HOMER1: variants seen among roughly 807,000 people sequenced by gnomAD.
HOMER1 encodes the protein homer protein homolog 1.
Under a neutral mutation model 48.9 loss-of-function variants are expected in HOMER1, and 3 were observed. That is an observed-to-expected ratio of 0.06 (90% CI 0.03 to 0.16). HOMER1 has a LOEUF of 0.16. HOMER1 is among the 10% of genes least tolerant of loss of function. The pLI is 1.00. For synonymous variants in HOMER1, 134 were observed against 146.4 expected (o/e 0.92, Z 0.61); for missense variants, 247 against 411.4 (o/e 0.60, Z 3.46).
chr5:79,431,271 C>CA (rs1750418386), intron 5 of HOMER1, among the ~76,000 whole-genome samples: 1 of 152,008 alleles, frequency 6.6e-6, no homozygotes, highest in Non-Finnish European at 1.5e-5. Flanking sequence ...TGCAGTGAGC[C>CA]AAGATTGCAC....
chr5:79,437,146 G>A (rs554714104), intron 5 of HOMER1, among the ~76,000 whole-genome samples: 4 of 152,086 alleles, frequency 2.6e-5, no homozygotes, highest in Non-Finnish European at 4.4e-5. Context: ...TAACAAAATC[G>A]TAGACATTTA....
chr5:79,479,036 G>T (rs73122400), intron 1 of HOMER1, among the ~76,000 whole-genome samples: 2 of 152,024 alleles, frequency 1.3e-5, no homozygotes, highest in Non-Finnish European at 2.9e-5. Flanking sequence ...TGAAAATGAC[G>T]CAAGTTTTAA....
intron 2 of HOMER1, 77 bp downstream of exon 2, chr5:79,456,785 A>C: frequency 8.8e-6 from 11 of 1,243,962 alleles, no homozygotes; most frequent in Non-Finnish European, 1.2e-5. Context: ...ATGAAGATAA[A>C]ATGTTCTGAA....
At chr5:79,472,781 A>T (rs1453354264) in intron 1 of HOMER1, among the ~76,000 whole-genome samples, 1 of 151,900 alleles carries the variant, frequency 6.6e-6, no homozygotes, top group Non-Finnish European at 1.5e-5. Flanking sequence ...CCTGTCTCTA[A>T]AAAAAATGTT....
In HOMER1 at chr5:79,403,257, T is replaced by A; in HGVS notation, c.528-1202A>T. On this transcript the variant is annotated intron_variant, in intron 5 of 8. Coordinates refer to ENST00000334082, the MANE Select transcript of HOMER1 (RefSeq NM_004272.5). The stretch of plus-strand genomic sequence containing the variant: ...CTAACTAGTGAGGCTTATAGCTTTC[T>A]TCAATCACCATTTTTTGGGGGTTTG... Among the ~76,000 whole-genome samples, 2 of 152,212 alleles carry A rather than the reference T, an allele frequency of 1.3e-5. 1 individual carries two copies. Among genetic ancestry groups the A allele is most frequent in the Non-Finnish European group, 2.9e-5 (2 of 68,026 alleles).
intron 8 of HOMER1, among the ~76,000 whole-genome samples, chr5:79,380,244 T>C (rs1403809256): frequency 3.3e-5 from 5 of 152,182 alleles, no homozygotes; most frequent in Admixed American, 6.5e-5. Flanking sequence ...CTAACACTGC[T>C]GGGAGACTGT....
chr5:79,464,281 G>A (rs1751393909), intron 1 of HOMER1, among the ~76,000 whole-genome samples: 1 of 152,172 alleles, frequency 6.6e-6, no homozygotes, highest in African/African-American at 2.4e-5. Flanking sequence ...GACTACAGGT[G>A]CTGAAGGTAC....
At chr5:79,454,207 G>A (rs1490395867) in intron 2 of HOMER1, among the ~76,000 whole-genome samples, 1 of 152,070 alleles carries the variant, frequency 6.6e-6, no homozygotes, top group African/African-American at 2.4e-5. Context: ...ATTTTAATCT[G>A]GTGAAAATTA....
intron 2 of HOMER1, among the ~76,000 whole-genome samples, chr5:79,453,628 G>A (rs1751087280): frequency 6.6e-6 from 1 of 152,074 alleles, no homozygotes; most frequent in Non-Finnish European, 1.5e-5. Context: ...TCCTTTTAAG[G>A]AAAAGAGGTA....
chr5:79,413,197 A>G (rs1749852358), intron 5 of HOMER1, among the ~76,000 whole-genome samples: 1 of 152,220 alleles, frequency 6.6e-6, no homozygotes. Flanking sequence ...TTTGAGAAAA[A>G]TAAGAGAAAG....
chr5:79,464,758 C>T (rs1036949990), intron 1 of HOMER1, among the ~76,000 whole-genome samples: 4 of 152,164 alleles, frequency 2.6e-5, no homozygotes, highest in African/African-American at 9.7e-5. Context: ...AACATACTAC[C>T]AACTGTATGT....
At chr5:79,504,775 A>C (rs1309175066) in intron 1 of HOMER1, among the ~76,000 whole-genome samples, 1 of 152,234 alleles carries the variant, frequency 6.6e-6, no homozygotes, top group Non-Finnish European at 1.5e-5. Flanking sequence ...TACTTAGAAA[A>C]ATTATCAGAA....
chr5:79,458,832 T>C (rs1370965693), intron 1 of HOMER1, among the ~76,000 whole-genome samples: 1 of 152,200 alleles, frequency 6.6e-6, no homozygotes, highest in Non-Finnish European at 1.5e-5. Flanking sequence ...GAACTCTGAA[T>C]TGGGAATACG....
intron 5 of HOMER1, among the ~76,000 whole-genome samples, chr5:79,433,950 CA>C (rs1002933552): frequency 2.0e-5 from 3 of 152,100 alleles, no homozygotes; most frequent in African/African-American, 7.2e-5. Flanking sequence ...ATCTCTTTAA[CA>C]GAATAGAAGG....
At chr5:79,481,374 G>C (rs1289108060) in intron 1 of HOMER1, among the ~76,000 whole-genome samples, 1 of 151,320 alleles carries the variant, frequency 6.6e-6, no homozygotes, top group Non-Finnish European at 1.5e-5. Flanking sequence ...TGATCTCTGA[G>C]AGGCAGGAAA....
At chr5:79,425,496 A>T (rs191329093) in intron 5 of HOMER1, among the ~76,000 whole-genome samples, 45 of 152,182 alleles carry the variant, frequency 3.0e-4, no homozygotes, top group African/African-American at 1.0e-3. Flanking sequence ...CAGATGTGAT[A>T]ATATGTCTAG....
At chr5:79,452,733 CAGA>C (rs1751062529) in intron 2 of HOMER1, among the ~76,000 whole-genome samples, 1 of 152,066 alleles carries the variant, frequency 6.6e-6, no homozygotes, top group South Asian at 2.1e-4. Context: ...TTCTCTCAGA[CAGA>C]AGATGTGTCC....
At chr5:79,393,602 G>C (rs1311426549) in intron 8 of HOMER1, among the ~76,000 whole-genome samples, 1 of 152,142 alleles carries the variant, frequency 6.6e-6, no homozygotes, top group Non-Finnish European at 1.5e-5. Context: ...TATCCAGTGG[G>C]TACCCTGCTT....
chr5:79,451,398 G>A (rs1580459236), intron 2 of HOMER1, among the ~76,000 whole-genome samples: 1 of 151,692 alleles, frequency 6.6e-6, no homozygotes. Context: ...TTTTTAATAT[G>A]GTCAGTTTTT....
Sources: allele counts gnomAD v4.1 joint callset (sites outside exome capture counted in the v4.1 genomes callset), GRCh38; gene constraint gnomAD v4.1.1; transcripts MANE v1.5; gene names NCBI Gene and HGNC (gene_info 2026-07-23, HGNC 2026-07-21).